STXBP3: variants seen among roughly 807,000 people sequenced by gnomAD.
The protein encoded by STXBP3 is syntaxin binding protein 3, also known as syntaxin-binding protein 3.
Under a neutral mutation model 85.7 loss-of-function variants are expected in STXBP3, and 41 were observed. That is an observed-to-expected ratio of 0.48 (90% CI 0.37 to 0.62). STXBP3 has a LOEUF of 0.62. Ranked by LOEUF, STXBP3 falls within the 20% of genes least tolerant of loss-of-function variation. The pLI is 0.00. For missense variants in STXBP3, 563 were observed against 703.1 expected (o/e 0.80, Z 2.25); for synonymous variants, 229 against 231.7 (o/e 0.99, Z 0.10).
chr1:108,773,449 C>T (rs1407988937), intron 7 of STXBP3, among the ~76,000 whole-genome samples: 1 of 152,158 alleles, frequency 6.6e-6, no homozygotes, highest in Non-Finnish European at 1.5e-5. Flanking sequence ...TGTCACCAAA[C>T]TTCTACATAA....
chr1:108,773,567 C>G (rs1433901120), intron 7 of STXBP3, among the ~76,000 whole-genome samples: 1 of 152,086 alleles, frequency 6.6e-6, no homozygotes, highest in African/African-American at 2.4e-5. Flanking sequence ...TATTCTAGTT[C>G]AGGCTCATTA....
intron 6 of STXBP3, among the ~76,000 whole-genome samples, chr1:108,769,326 G>A (rs1226373570): frequency 6.6e-6 from 1 of 151,988 alleles, no homozygotes; most frequent in Non-Finnish European, 1.5e-5. Context: ...AGGGGAGGCA[G>A]GCACACTCTT....
At position 108,793,603 on chromosome 1, in the gene STXBP3, C is replaced by T. The variant is rs751234151; in HGVS notation, c.985C>T (p.Gln329Ter). 3.7e-6 allele frequency: 6 copies of T among 1,612,226 alleles called. No homozygotes were observed. Among genetic ancestry groups the T allele is most frequent in the Admixed American group, 1.7e-5 (1 of 59,932 alleles). The stretch of plus-strand genomic sequence containing the variant: ...CTAGACATCACTTAGTGCTCTTACC[C>T]AGCTGATGAAAAAGATGCCCCATTT... ...EGKTSLSALT[Q>*]LMKKMPHFRK... is the part of the protein sequence containing the mutation. Residue 329 changes from glutamine (Q) to a stop codon, truncating the protein, a stop_gained, in exon 12 of 19, where the codon CAG (glutamine) becomes TAG (stop). Coordinates refer to ENST00000370008, the MANE Select transcript of STXBP3 (RefSeq NM_007269.4). LOFTEE classifies it high-confidence loss of function.
intron 6 of STXBP3, among the ~76,000 whole-genome samples, chr1:108,770,784 A>G (rs1662375722): frequency 6.6e-6 from 1 of 152,084 alleles, no homozygotes; most frequent in African/African-American, 2.4e-5. Context: ...TGGCTTTTGT[A>G]TCCTCCAAAT....
At chr1:108,755,085 GA>G (rs1185722092) in intron 3 of STXBP3, among the ~76,000 whole-genome samples, 2 of 151,264 alleles carry the variant, frequency 1.3e-5, no homozygotes, top group African/African-American at 4.9e-5. Flanking sequence ...ACAAAATCGG[GA>G]AAAAAAATGC....
At chr1:108,780,383 T>C (rs1415627668) in intron 9 of STXBP3, 1 of 152,150 alleles carries the variant, frequency 6.6e-6, no homozygotes. Flanking sequence ...TATTTACCTC[T>C]GTTACCCTGT....
chr1:108,780,317 C>T (rs1021742124), intron 9 of STXBP3: 5 of 151,842 alleles, frequency 3.3e-5, no homozygotes, highest in Admixed American at 2.0e-4. Flanking sequence ...TGTTAGATAA[C>T]ATAGCTATTT....
At chr1:108,802,758 A>T (rs1490535114) in intron 17 of STXBP3, among the ~76,000 whole-genome samples, 1 of 152,200 alleles carries the variant, frequency 6.6e-6, no homozygotes, top group Non-Finnish European at 1.5e-5. Context: ...TTGTTTTCTT[A>T]GAGGGGAATC....
intron 8 of STXBP3, 66 bp from the exon 9 acceptor site, chr1:108,779,220 A>G: frequency 6.5e-7 from 1 of 1,530,928 alleles, no homozygotes; most frequent in Admixed American, 1.9e-5. Context: ...GTATTCTAAG[A>G]TATTAAAACT....
At chr1:108,753,925 T>C (rs563465812) in intron 3 of STXBP3, among the ~76,000 whole-genome samples, 33 of 152,302 alleles carry the variant, frequency 2.2e-4, no homozygotes, top group African/African-American at 7.2e-4. Context: ...ATGTAGTTTA[T>C]GTACCGTCTG....
chr1:108,808,595 A>G (rs1007579967), intron 18 of STXBP3, among the ~76,000 whole-genome samples, 188 bp from the exon 19 acceptor site: 1 of 152,266 alleles, frequency 6.6e-6, no homozygotes, highest in African/African-American at 2.4e-5. Context: ...GTTACTGAAC[A>G]TGCTCAGTGG....
At chr1:108,750,368 C>A (rs1224877301) in intron 1 of STXBP3, among the ~76,000 whole-genome samples, 1 of 152,010 alleles carries the variant, frequency 6.6e-6, no homozygotes. Flanking sequence ...TTAAATATTT[C>A]GGACTTTCAC....
intron 9 of STXBP3, 64 bp from the exon 10 acceptor site, chr1:108,782,358 A>G: frequency 8.1e-7 from 1 of 1,227,482 alleles, no homozygotes. Flanking sequence ...TGTTTGTAAA[A>G]ATGTTTCTTT....
chr1:108,771,442 CTA>C (rs377283569), intron 6 of STXBP3, among the ~76,000 whole-genome samples: 1 of 24,308 alleles, frequency 4.1e-5, no homozygotes, highest in Admixed American at 3.9e-4. Context: ...TGATATATAT[CTA>C]TATATATCAT....
intron 17 of STXBP3, among the ~76,000 whole-genome samples, chr1:108,805,997 C>T (rs1663322953): frequency 6.6e-6 from 1 of 152,062 alleles, no homozygotes; most frequent in South Asian, 2.1e-4. Context: ...ACAAAATGAA[C>T]AATTGGGTAC....
chr1:108,761,186 G>A (rs55986726), intron 6 of STXBP3, among the ~76,000 whole-genome samples: 107,218 of 152,154 alleles, frequency 0.7, 38,775 homozygotes, highest in Non-Finnish European at 0.77. Flanking sequence ...GATTACGGGT[G>A]TGAGCCACCA....
chr1:108,760,132 GT>G, intron 6 of STXBP3, 47 bp downstream of exon 6: 1 of 1,136,456 alleles, frequency 8.8e-7, no homozygotes. Flanking sequence ...TTCAAATTTG[GT>G]TTTATGGCTT....
chr1:108,755,667 A>G (rs941310936), intron 3 of STXBP3, among the ~76,000 whole-genome samples: 2 of 152,218 alleles, frequency 1.3e-5, no homozygotes, highest in African/African-American at 4.8e-5. Flanking sequence ...TAACAAATAC[A>G]TTATTCACCA....
chr1:108,797,745 T>A (rs374689553), intron 15 of STXBP3, among the ~76,000 whole-genome samples: 1 of 147,674 alleles, frequency 6.8e-6, no homozygotes, highest in Non-Finnish European at 1.5e-5. Context: ...GTGTGTGTGT[T>A]TTTTTTTTGA....
Sources: gnomAD v4.1 joint callset for allele counts (sites outside exome capture counted in the v4.1 genomes callset) on GRCh38, gnomAD v4.1.1 for gene constraint, MANE v1.5 for transcripts, NCBI Gene and HGNC (gene_info 2026-07-23, HGNC 2026-07-21) for gene names.